RPS5: variants seen among roughly 807,000 people sequenced by gnomAD.
RPS5 encodes small ribosomal subunit protein uS7.
Under a neutral mutation model 20.9 loss-of-function variants are expected in RPS5, and 2 were observed. The ratio of observed to expected loss-of-function variants is 0.10; its 90% CI spans 0.04 to 0.30. RPS5 has a LOEUF of 0.30. Ranked by LOEUF, RPS5 falls within the 10% of genes least tolerant of loss-of-function variation. The pLI is 1.00. For synonymous variants in RPS5, 112 were observed against 105.8 expected, an observed-to-expected ratio of 1.06 and a Z score of -0.36; for missense variants, 122 against 287.2, an observed-to-expected ratio of 0.42 and a Z score of 4.16.
At chr19:58,394,327 A>G (rs1045159321) in intron 4 of RPS5, 170 bp from the exon 5 acceptor site, 1 of 616,176 alleles carries the variant, frequency 1.6e-6, no homozygotes. Flanking sequence ...GTGTCTGGAC[A>G]CTTGCTCTTG....
chr19:58,388,703 C>T (rs1413063312), intron 2 of RPS5: 18 of 323,154 alleles, frequency 5.6e-5, no homozygotes, highest in South Asian at 1.5e-4. Context: ...AGTGCAGTGA[C>T]GCGATCTGCC....
chr19:58,393,491 AGC>A lies in RPS5; in HGVS notation c.447+5_447+6del. 1 of 1,608,580 alleles carries A rather than the reference AGC, an allele frequency of 6.2e-7. No homozygotes were observed. Among genetic ancestry groups the A allele is most frequent in the Non-Finnish European group, 8.5e-7 (1 of 1,178,662 alleles). ...CCCCCTGCGCCGTGTGAACCAGGTG[AGC>A]CTGGGGCTTATGCACGTGGCAGGGT... On this transcript the variant is annotated splice_donor_5th_base_variant and intron_variant, in intron 4 of 5. Transcript: ENST00000196551.
intron 1 of RPS5, 170 bp from the exon 2 acceptor site, chr19:58,387,967 G>A (rs942087965): frequency 3.3e-5 from 20 of 599,724 alleles, no homozygotes; most frequent in Non-Finnish European, 5.7e-5. Context: ...CTTGCTGACA[G>A]CTGAGTAATT....
Position 58,394,664 on chromosome 19 carries a change from CTG to C in RPS5, c.547-12_547-11del, listed in dbSNP as rs1568575062. 1.9e-6 allele frequency: 3 copies of C among 1,614,048 alleles called. No homozygotes were observed. The Admixed American group carries it at 5.0e-5, about 27-fold the overall frequency. The stretch of plus-strand genomic sequence containing the variant: ...TGTGGGGGTCCTTCAGAATTCAGAG[CTG>C]TGTGTCTCCTTGCAGGGCTCCTCGA... On this transcript the variant is annotated splice_polypyrimidine_tract_variant and intron_variant, in intron 5 of 5. Coordinates refer to ENST00000196551, the MANE Select transcript of RPS5 (RefSeq NM_001009.4).
At chr19:58,391,432 CAAAAAAAAA>C (rs35576516) in intron 2 of RPS5, among the ~76,000 whole-genome samples, 1 of 76,006 alleles carries the variant, frequency 1.3e-5, no homozygotes, top group Non-Finnish European at 2.4e-5. Context: ...AACTCCATCT[CAAAAAAAAA>C]AAAAAAAAAA....
chr19:58,389,229 C>A (rs935269483), intron 2 of RPS5, among the ~76,000 whole-genome samples: 2 of 152,012 alleles, frequency 1.3e-5, no homozygotes, highest in African/African-American at 2.4e-5. Context: ...ATGAATATAA[C>A]TTGGGTTGCA....
chr19:58,393,737 C>CTTT, intron 4 of RPS5: 9 of 373,306 alleles, frequency 2.4e-5, no homozygotes, highest in East Asian at 4.5e-5. Context: ...TGTATATGTA[C>CTTT]TTTTTTTTTT....
In RPS5 at chr19:58,393,034, A is replaced by G. The variant is rs759592801; in HGVS notation, c.167A>G (p.Tyr56Cys). Residue 56 changes from tyrosine to cysteine, a missense_variant, in exon 3 of 6, where the codon TAT (tyrosine) becomes TGT (cysteine). Tyr to Cys is a radical substitution (Grantham distance 194, BLOSUM62 -2). Transcript: ENST00000196551. ...TACCTGCCTCACAGTGCAGGGCGGT[A>G]TGCCGCCAAACGCTTCCGCAAAGCT... ...AKYLPHSAGR[Y>C]AAKRFRKAQC... 1 of 1,614,130 alleles carries G rather than the reference A, an allele frequency of 6.2e-7. No individual in the cohort carries two copies. Among genetic ancestry groups the G allele is most frequent in the Non-Finnish European group, 8.5e-7 (1 of 1,179,984 alleles).
chr19:58,393,277 G>A (rs1335055774), intron 3 of RPS5, 82 bp from the exon 4 acceptor site: 2 of 1,608,854 alleles, frequency 1.2e-6, no homozygotes, highest in East Asian at 2.2e-5. Flanking sequence ...CCTGTGTGGT[G>A]TGGTCACTCT....
rs1019256720 is a variant in RPS5 at position 58,393,353 on chromosome 19, C to T, written c.319-6C>T. 1.5e-5 allele frequency: 24 copies of T among 1,613,914 alleles called. No homozygotes were observed. Among genetic ancestry groups the T allele is most frequent in the Non-Finnish European group, 1.9e-5 (23 of 1,179,926 alleles). On this transcript the variant is annotated splice_polypyrimidine_tract_variant and splice_region_variant and intron_variant, in intron 3 of 5. Transcript: ENST00000196551. ...GATGTCAGGCTCATATCCCCCTTCT[C>T]TCTAGAACCCTCTGCAGGTCCTGGT...
chr19:58,394,018 C>A (rs186209049), intron 4 of RPS5: 1 of 169,178 alleles, frequency 5.9e-6, no homozygotes, highest in Non-Finnish European at 1.3e-5. Flanking sequence ...TCAGGGTGTT[C>A]TTGAATTCCT....
At chr19:58,388,675 C>T (rs1450727812) in intron 2 of RPS5, 8 of 357,806 alleles carry the variant, frequency 2.2e-5, no homozygotes. Context: ...CGGAGTCTCA[C>T]TCTGTTCCCT....
chr19:58,390,195 GTTAT>G (rs1305749839), intron 2 of RPS5, among the ~76,000 whole-genome samples: 1 of 147,800 alleles, frequency 6.8e-6, no homozygotes, highest in African/African-American at 2.5e-5. Flanking sequence ...CACGCCTGGC[GTTAT>G]TTATTTATTT....
In RPS5 at chr19:58,393,576, C is replaced by T. The variant is rs2052377775; in HGVS notation, c.447+89C>T. The stretch of plus-strand genomic sequence containing the variant: ...CTGGGGCAGGAAGGCTCCTCTCTGT[C>T]TGCATGTTTTACCTGCAGCATCACT... On this transcript the variant is annotated intron_variant, in intron 4 of 5. Transcript: ENST00000196551. 3.3e-6 allele frequency: 5 copies of T among 1,497,316 alleles called. No individual in the cohort carries two copies. In the Middle Eastern group the frequency reaches 6.8e-4, roughly 202 times the overall value. 92.8% of individuals were successfully genotyped at this position (1,497,316 alleles called of 1,614,324 possible). A position where few individuals can be genotyped will look rare whatever the true frequency, so the allele number is the denominator to read the frequency against.
chr19:58,388,041 C>G (rs1449156286), intron 1 of RPS5, 96 bp from the exon 2 acceptor site: 4 of 790,458 alleles, frequency 5.1e-6, no homozygotes, highest in African/African-American at 1.7e-5. Context: ...CAGTTCATCA[C>G]TAGATGGCGG....
intron 2 of RPS5, 62 bp downstream of exon 2, chr19:58,388,307 A>G: frequency 8.6e-7 from 1 of 1,165,246 alleles, no homozygotes; most frequent in Non-Finnish European, 1.3e-6. Flanking sequence ...AGGAAGGCAC[A>G]CATCAAACTT....
At chr19:58,391,641 C>A (rs777996613) in intron 2 of RPS5, among the ~76,000 whole-genome samples, 1 of 151,282 alleles carries the variant, frequency 6.6e-6, no homozygotes, top group South Asian at 2.1e-4. Flanking sequence ...CAAAAAAGTT[C>A]TCAGCCAGGT....
intron 2 of RPS5, among the ~76,000 whole-genome samples, chr19:58,390,198 A>AT (rs1296373486): frequency 2.7e-5 from 4 of 145,558 alleles, no homozygotes; most frequent in Admixed American, 2.7e-4. Flanking sequence ...GCCTGGCGTT[A>AT]TTTATTTATT....
chr19:58,394,022 A>C (rs2052380909), intron 4 of RPS5: 1 of 168,536 alleles, frequency 5.9e-6, no homozygotes, highest in Admixed American at 5.7e-5. Flanking sequence ...GGTGTTCTTG[A>C]ATTCCTGGTC....
Sources: allele counts gnomAD v4.1 joint callset (sites outside exome capture counted in the v4.1 genomes callset), GRCh38; gene constraint gnomAD v4.1.1; transcripts MANE v1.5; gene names NCBI Gene and HGNC (gene_info 2026-07-23, HGNC 2026-07-21).